The following SETX variants were observed in gnomAD, a reference collection of about 807,000 sequenced individuals.
SETX encodes the protein helicase senataxin.
Under a neutral mutation model 227.2 loss-of-function variants are expected in SETX, and 90 were observed. The ratio of observed to expected loss-of-function variants is 0.40; its 90% CI spans 0.33 to 0.47. SETX has a LOEUF of 0.47. Among genes scored for constraint, SETX ranks in the 20% least tolerant of loss-of-function variants. The probability of loss-of-function intolerance (pLI) is 0.91; values close to 1 mark genes in which losing one functional copy is unlikely to be tolerated. For synonymous variants in SETX, 1,210 were observed against 1,113.2 expected (o/e 1.09, Z -1.73); for missense variants, 3,052 against 3,181.5 (o/e 0.96, Z 0.98).
In SETX at chr9:132,297,032, T is replaced by C. The variant is rs762791927; in HGVS notation, c.5804A>G (p.Asn1935Ser). 2.9e-5 allele frequency: 46 copies of C among 1,613,376 alleles called. No homozygotes were observed. The highest frequency in any genetic ancestry group is 4.5e-5 in the East Asian group (2 of 44,864). Residue 1935 changes from asparagine (N) to serine (S), a missense_variant, in exon 14 of 26, where the codon AAT becomes AGT. Around this residue, in one of 10 missense-constraint regions of SETX, gnomAD observed 239 missense variants for 272.1 expected, o/e 0.88. Transcript: ENST00000224140. Reference sequence around the variant, plus strand: ...TTCTATTGCTTTCTTTTGATCTTCATTGAAATCTCTTAAGTACGCAATCTA... The same window carrying C: ...TTCTATTGCTTTCTTTTGATCTTCACTGAAATCTCTTAAGTACGCAATCTA... ...ERIIAYLRDF[N>S]EDQKKAIETA...
rs2131109430 is a variant in SETX at position 132,264,242 on chromosome 9, T to TA, written c.8030dup (p.Leu2677PhefsTer18). 1 of 1,614,144 alleles carries TA rather than the reference T, an allele frequency of 6.2e-7. No individual in the cohort carries two copies. The stretch of plus-strand genomic sequence containing the variant: ...TGGCCCATGTCACTGGGCTTTCCTA[T>TA]AAAAGCTTTCTTTTCTTGGAACTGC... On this transcript the variant is annotated frameshift_variant, in exon 26 of 26. Transcript: ENST00000224140. LOFTEE classifies it high-confidence loss of function.
At chr9:132,331,739 C>T (rs1405415226) in intron 7 of SETX, among the ~76,000 whole-genome samples, 1 of 151,908 alleles carries the variant, frequency 6.6e-6, no homozygotes, top group African/African-American at 2.4e-5. Flanking sequence ...TAGGTAAGCA[C>T]AATCTTTTCA....
At chr9:132,324,360 A>G (rs1846570832) in intron 10 of SETX, among the ~76,000 whole-genome samples, 1 of 152,250 alleles carries the variant, frequency 6.6e-6, no homozygotes, top group African/African-American at 2.4e-5. Flanking sequence ...CGTTCACTCA[A>G]GCTTTATAAA....
intron 11 of SETX, among the ~76,000 whole-genome samples, chr9:132,310,018 TAAGTCAAAGTGAGGAA>T (rs1012522994): frequency 6.6e-6 from 1 of 152,192 alleles, no homozygotes; most frequent in African/African-American, 2.4e-5. Context: ...AGTCAGTATG[TAAGTCAAAGTGAGGAA>T]ATGACTTCTA....
chr9:132,318,423 C>T (rs1846125564), intron 10 of SETX, among the ~76,000 whole-genome samples: 3 of 152,150 alleles, frequency 2.0e-5, no homozygotes, highest in Admixed American at 2.0e-4. Flanking sequence ...TCATACTCCC[C>T]AGGGAGACCA....
intron 2 of SETX, among the ~76,000 whole-genome samples, chr9:132,350,639 A>T (rs756971480): frequency 1.8e-4 from 28 of 152,250 alleles, no homozygotes; most frequent in Admixed American, 5.9e-4. Context: ...ATACATTGTC[A>T]TATGAATTGA....
In SETX at chr9:132,264,530, GTGA is replaced by G; in HGVS notation, c.7740_7742del (p.His2581del). The G allele has an allele frequency of 6.2e-7, 1 of 1,614,004 alleles. No individual in the cohort carries two copies. Among genetic ancestry groups the G allele is most frequent in the Non-Finnish European group, 8.5e-7 (1 of 1,179,964 alleles). On this transcript the variant is annotated inframe_deletion, in exon 26 of 26. Coordinates refer to ENST00000224140, the MANE Select transcript of SETX (RefSeq NM_015046.7). ...GCTGCTGTATATGGCTCAGGTCCTG[GTGA>G]ACGACAGGGAAGCCCGGCTCGCCCG...
rs1197382092 is a variant in SETX, at chr9:132,264,229, C to G, written c.*10G>C. ...ATGCTGTGGCTGCTGGCCCATGTCA[C>G]TGGGCTTTCCTATAAAAGCTTTCTT... is the stretch of plus-strand genomic sequence containing the variant. On this transcript the variant is annotated 3_prime_UTR_variant, in exon 26 of 26. Transcript: ENST00000224140. 3 of 1,613,916 alleles carry G rather than the reference C, an allele frequency of 1.9e-6. No individual in the cohort carries two copies. The highest frequency in any genetic ancestry group is 1.7e-6 in the Non-Finnish European group (2 of 1,180,036).
chr9:132,347,798 G>C (rs1848375229), intron 3 of SETX, among the ~76,000 whole-genome samples: 1 of 151,988 alleles, frequency 6.6e-6, no homozygotes, highest in South Asian at 2.1e-4. Context: ...AAAGACGCTG[G>C]ATAGCTTCAT....
chr9:132,279,468 T>C (rs527267771), intron 20 of SETX, among the ~76,000 whole-genome samples: 5 of 152,136 alleles, frequency 3.3e-5, no homozygotes, highest in African/African-American at 9.6e-5. Flanking sequence ...GAAGTAAAAA[T>C]GTGCTGAAAA....
chr9:132,331,760 G>C (rs1847251876), intron 7 of SETX, among the ~76,000 whole-genome samples: 2 of 151,774 alleles, frequency 1.3e-5, no homozygotes, highest in African/African-American at 4.8e-5. Context: ...CACCCTGTTT[G>C]CCATACCAGA....
At position 132,298,230 on chromosome 9, in the gene SETX, A is replaced by G; in HGVS notation, c.5631T>C (p.Cys1877=). The part of the protein sequence containing the change: ...FPANLNELVN[C]IVISSLVTTQ... ...TAGTTACCAGAGAACTGATTACAAT[A>G]CAATTCACAAGTTCGTTTAAATTGG... Residue 1877 remains cysteine (C), a synonymous_variant, in exon 13 of 26, where the codon TGT becomes TGC. Coordinates refer to ENST00000224140, the MANE Select transcript of SETX (RefSeq NM_015046.7). The G allele has an allele frequency of 1.9e-6, 3 of 1,614,134 alleles. No individual in the cohort carries two copies. Among genetic ancestry groups the G allele is most frequent in the Non-Finnish European group, 2.5e-6 (3 of 1,179,994 alleles).
intron 23 of SETX, 85 bp downstream of exon 23, chr9:132,275,171 A>C: frequency 6.9e-7 from 1 of 1,457,714 alleles, no homozygotes; most frequent in African/African-American, 1.4e-5. Flanking sequence ...ACCACTCCTT[A>C]AGAGTTTCCC....
chr9:132,298,057 T>C lies in SETX; in HGVS notation c.5781+23A>G, dbSNP rs779745490. On this transcript the variant is annotated intron_variant, in intron 13 of 25. Transcript: ENST00000224140. Reference sequence around the variant, plus strand: ...TTTAACATCTTAACATGAAATTATCTAGTATCATACATCATCACTCACAAT... The same window carrying C: ...TTTAACATCTTAACATGAAATTATCCAGTATCATACATCATCACTCACAAT... 1.2e-5 allele frequency: 19 copies of C among 1,540,314 alleles called. No individual in the cohort carries two copies. In the African/African-American group the frequency reaches 2.8e-4, roughly 23 times the overall value.
rs1275546682 is a variant in SETX, at chr9:132,346,420, T to C, written c.229A>G (p.Met77Val). Residue 77 changes from methionine (M) to valine (V), a missense_variant, in exon 4 of 26, where the codon ATG (methionine) becomes GTG (valine). Coordinates refer to ENST00000224140, the MANE Select transcript of SETX (RefSeq NM_015046.7). ...TCATCATCTCCAATTTCTGCCTTCA[T>C]GGATTTTTCAAAGTGATTTATGAGA... ...LRLINHFEKS[M>V]KAEIGDDDEL... The C allele has an allele frequency of 1.9e-6, 3 of 1,613,752 alleles. No individual in the cohort carries two copies. The highest frequency in any genetic ancestry group is 1.3e-5 in the African/African-American group (1 of 74,926).
rs1324297608 is a variant in SETX at position 132,262,613 on chromosome 9, T to C, written c.*1626A>G. 1 of 152,632 alleles carries C rather than the reference T, an allele frequency of 6.6e-6. No individual in the cohort carries two copies. The highest frequency in any genetic ancestry group is 2.4e-5 in the African/African-American group (1 of 41,444). The allele number at this position is 152,632 out of a possible 1,614,324, so 9.5% of individuals were successfully genotyped here. On this transcript the variant is annotated 3_prime_UTR_variant, in exon 26 of 26. Coordinates refer to ENST00000224140, the MANE Select transcript of SETX (RefSeq NM_015046.7). ...GGACAAAGCACTCCAGGAAGTCACC[T>C]GCTCCCTGGGTTTCAGGAGTATTCA...
At chr9:132,287,507 C>T (rs976872403) in intron 17 of SETX, among the ~76,000 whole-genome samples, 3 of 151,934 alleles carry the variant, frequency 2.0e-5, no homozygotes, top group Non-Finnish European at 2.9e-5. Context: ...CAAACAAAAA[C>T]GCAACACCCC....
At chr9:132,344,091 C>T (rs1368928603) in intron 4 of SETX, among the ~76,000 whole-genome samples, 1 of 152,144 alleles carries the variant, frequency 6.6e-6, no homozygotes, top group Non-Finnish European at 1.5e-5. Flanking sequence ...CAGCGTATAC[C>T]TAAAGTCGAC....
Position 132,327,780 on chromosome 9 carries a change from T to C in SETX, c.3818A>G (p.Lys1273Arg). ...RTTPAIVPPK[K>R]FRQCPEPTST... The stretch of plus-strand genomic sequence containing the variant: ...AGTTGGCTCAGGACACTGACGAAAT[T>C]TCTTTGGCGGCACTATAGCAGGAGT... The change falls in exon 10 of 26, where the codon AAA becomes AGA. Residue 1273 changes from lysine to arginine, a missense_variant. Coordinates refer to ENST00000224140, the MANE Select transcript of SETX (RefSeq NM_015046.7). 1 of 1,614,194 alleles carries C rather than the reference T, an allele frequency of 6.2e-7. No homozygotes were observed. The highest frequency in any genetic ancestry group is 8.5e-7 in the Non-Finnish European group (1 of 1,180,044).
Sources: gnomAD v4.1 joint callset for allele counts (sites outside exome capture counted in the v4.1 genomes callset) on GRCh38, gnomAD v4.1.1 for gene constraint, gnomAD v4.1.1 regional missense constraint, MANE v1.5 for transcripts, NCBI Gene and HGNC (gene_info 2026-07-23, HGNC 2026-07-21) for gene names.